Variants in SHISAL1 observed in about 807,000 individuals in gnomAD.
SHISAL1 encodes the protein protein shisa-like-1.
In SHISAL1, 9 loss-of-function variants were observed where a neutral mutation model predicts 22.6. That is an observed-to-expected ratio of 0.40 (90% confidence interval 0.24 to 0.70). The LOEUF (loss-of-function observed/expected upper bound fraction) is 0.70, where lower values mean the gene tolerates loss of function less well. SHISAL1 is among the 30% of genes least tolerant of loss of function. SHISAL1 has a pLI of 0.39. For missense variants in SHISAL1, 246 were observed against 270.6 expected (o/e 0.91, Z 0.64); for synonymous variants, 119 against 115.4 (o/e 1.03, Z -0.20).
intron 3 of SHISAL1, among the ~76,000 whole-genome samples, chr22:44,290,572 G>A (rs1569220264): frequency 6.6e-6 from 1 of 151,452 alleles, no homozygotes; most frequent in Non-Finnish European, 1.5e-5. Flanking sequence ...GAGCCCATTG[G>A]CAGGAGTGGC....
chr22:44,321,316 C>T, the SHISAL1 span, among the ~76,000 whole-genome samples: 1 of 152,340 alleles, frequency 6.6e-6, no homozygotes, highest in Non-Finnish European at 1.5e-5. Context: ...CCATACGGAG[C>T]TCCCAGAAGT....
At chr22:44,285,802 G>A (rs959323001) in intron 3 of SHISAL1, 57 bp from the exon 4 acceptor site, 13 of 1,410,214 alleles carry the variant, frequency 9.2e-6, no homozygotes, top group East Asian at 2.3e-5. Context: ...AGCTCAGGCC[G>A]GCTTCATCAG....
intron 4 of SHISAL1, among the ~76,000 whole-genome samples, chr22:44,277,200 C>G (rs1035369087): frequency 2.0e-5 from 3 of 152,206 alleles, no homozygotes; most frequent in African/African-American, 7.2e-5. Flanking sequence ...GGAAGGCTCA[C>G]GGACGCGATG....
chr22:44,279,377 G>A (rs903623402), intron 4 of SHISAL1, among the ~76,000 whole-genome samples: 2 of 152,148 alleles, frequency 1.3e-5, no homozygotes, highest in Admixed American at 6.5e-5. Flanking sequence ...TTGATGTTAC[G>A]CCAAGGAAAG....
At chr22:44,290,422 G>C (rs749071049) in intron 3 of SHISAL1, among the ~76,000 whole-genome samples, 3 of 152,014 alleles carry the variant, frequency 2.0e-5, no homozygotes, top group Non-Finnish European at 4.4e-5. Flanking sequence ...CCAGCTACTT[G>C]AGAGGCTGAG....
chr22:44,253,400 AAGC>A (rs1178163425), intron 4 of SHISAL1, among the ~76,000 whole-genome samples: 2 of 151,542 alleles, frequency 1.3e-5, no homozygotes, highest in African/African-American at 2.4e-5. Flanking sequence ...TAGGGAGAAA[AAGC>A]AGAGTATGCT....
At chr22:44,322,729 C>T in the SHISAL1 span, among the ~76,000 whole-genome samples, 1 of 152,068 alleles carries the variant, frequency 6.6e-6, no homozygotes, top group African/African-American at 2.4e-5. Context: ...GGAGCCTGGG[C>T]CCCCAGACTT....
intron 4 of SHISAL1, among the ~76,000 whole-genome samples, chr22:44,261,077 T>TATATATATATATATATA (rs1555925738): frequency 1.8e-5 from 2 of 108,746 alleles, no homozygotes; most frequent in Admixed American, 8.8e-5. Flanking sequence ...CTTCATTACT[T>TATATATATATATATATA]TATATATATA....
chr22:44,267,735 G>A (rs2055174220), intron 4 of SHISAL1, among the ~76,000 whole-genome samples: 1 of 152,192 alleles, frequency 6.6e-6, no homozygotes, highest in East Asian at 1.9e-4. Flanking sequence ...ATGGATTGAT[G>A]TGCAGCTGTC....
chr22:44,275,403 C>G (rs931518765), intron 4 of SHISAL1, among the ~76,000 whole-genome samples: 1 of 152,214 alleles, frequency 6.6e-6, no homozygotes, highest in African/African-American at 2.4e-5. Flanking sequence ...GGATCAGAAG[C>G]GAGGCTGAGT....
intron 4 of SHISAL1, among the ~76,000 whole-genome samples, chr22:44,269,922 C>T (rs541253514): frequency 1.3e-5 from 2 of 152,342 alleles, no homozygotes; most frequent in Admixed American, 6.5e-5. Flanking sequence ...AGCAACACCA[C>T]GTGTCTCTTG....
chr22:44,267,472 C>T (rs575197521), intron 4 of SHISAL1, among the ~76,000 whole-genome samples: 1 of 152,240 alleles, frequency 6.6e-6, no homozygotes, highest in African/African-American at 2.4e-5. Context: ...CGGCCCCTCC[C>T]CACCACCACC....
At chr22:44,271,971 C>T (rs1300763435) in intron 4 of SHISAL1, among the ~76,000 whole-genome samples, 5 of 152,340 alleles carry the variant, frequency 3.3e-5, no homozygotes, top group South Asian at 2.1e-4. Context: ...TCTTTGTTTG[C>T]ACAGTAGTTG....
intron 4 of SHISAL1, among the ~76,000 whole-genome samples, chr22:44,259,036 A>T (rs1281005108): frequency 1.3e-5 from 2 of 152,176 alleles, no homozygotes; most frequent in Non-Finnish European, 2.9e-5. Flanking sequence ...CTCGACCATG[A>T]GGCTGAAAAC....
intron 3 of SHISAL1, among the ~76,000 whole-genome samples, chr22:44,290,156 T>C (rs1478849380): frequency 6.6e-6 from 1 of 152,196 alleles, no homozygotes; most frequent in East Asian, 1.9e-4. Flanking sequence ...GGAGAGTTCC[T>C]GAGGCCAGCA....
At chr22:44,262,074 C>T (rs575604118) in intron 4 of SHISAL1, among the ~76,000 whole-genome samples, 1 of 152,234 alleles carries the variant, frequency 6.6e-6, no homozygotes, top group African/African-American at 2.4e-5. Context: ...GACCCTGAAA[C>T]AAGAGCAGCA....
chr22:44,261,451 T>C (rs1307343629), intron 4 of SHISAL1, among the ~76,000 whole-genome samples: 2 of 151,988 alleles, frequency 1.3e-5, no homozygotes, highest in Non-Finnish European at 2.9e-5. Flanking sequence ...CACTGCAGAG[T>C]CCCATGGTAG....
upstream of SHISAL1, among the ~76,000 whole-genome samples, chr22:44,317,499 G>A (rs2034210798): frequency 6.6e-6 from 1 of 152,192 alleles, no homozygotes; most frequent in Non-Finnish European, 1.5e-5. Context: ...GATGTGAACA[G>A]ACAACAGCCT....
chr22:44,307,741 G>A (rs1165617334), intron 1 of SHISAL1, among the ~76,000 whole-genome samples: 1 of 152,194 alleles, frequency 6.6e-6, no homozygotes, highest in Non-Finnish European at 1.5e-5. Context: ...CACCGAACTT[G>A]GCGAGGCTGG....
Sources: gnomAD v4.1 joint callset for allele counts (sites outside exome capture counted in the v4.1 genomes callset) on GRCh38, gnomAD v4.1.1 for gene constraint, MANE v1.5 for transcripts, NCBI Gene and HGNC (gene_info 2026-07-23, HGNC 2026-07-21) for gene names.